The following CATSPERE variants were observed in gnomAD, a reference collection of about 807,000 sequenced individuals.
The protein encoded by CATSPERE is catsper channel auxiliary subunit epsilon.
Under a neutral mutation model 114.1 loss-of-function variants are expected in CATSPERE, and 93 were observed. That is an observed-to-expected ratio of 0.81 (90% CI 0.69 to 0.97). CATSPERE has a LOEUF of 0.97. Ranked by LOEUF, CATSPERE falls within the 50% of genes least tolerant of loss-of-function variation. The pLI is 0.00. For missense variants in CATSPERE, 1,058 were observed against 1,131.6 expected, an observed-to-expected ratio of 0.93 and a Z score of 0.93; for synonymous variants, 341 against 384.1, an observed-to-expected ratio of 0.89 and a Z score of 1.31.
At chr1:244,490,539 C>A in intron 6 of CATSPERE, 68 bp downstream of exon 6, 2 of 957,124 alleles carry the variant, frequency 2.1e-6, no homozygotes, top group Non-Finnish European at 3.2e-6. Flanking sequence ...TCTTATCTTC[C>A]ATATTTACCA....
chr1:244,476,169 GT>G (rs1669312170), intron 2 of CATSPERE, among the ~76,000 whole-genome samples: 1 of 152,124 alleles, frequency 6.6e-6, no homozygotes, highest in South Asian at 2.1e-4. Flanking sequence ...GCCGGGTACA[GT>G]GGCTTATGCC....
At chr1:244,518,550 C>T in intron 7 of CATSPERE, 42 bp from the exon 8 acceptor site, 1 of 1,166,338 alleles carries the variant, frequency 8.6e-7, no homozygotes, top group Non-Finnish European at 1.3e-6. Flanking sequence ...AATACTTTAG[C>T]TATGAAAATA....
rs538239692 is a variant in CATSPERE, at chr1:244,493,127, C to T, written c.351+2656C>T. Reference sequence around the variant, plus strand: ...GTTCATATGGAACCAAAAAAGAGCCCGCATCTCCAAGTCAATCCTAAGCCA... The same window carrying T: ...GTTCATATGGAACCAAAAAAGAGCCTGCATCTCCAAGTCAATCCTAAGCCA... On this transcript the variant is annotated intron_variant, in intron 6 of 21. Coordinates refer to ENST00000366534, the MANE Select transcript of CATSPERE (RefSeq NM_001130957.2). Among the ~76,000 whole-genome samples, 137 of 151,902 alleles carry T rather than the reference C, an allele frequency of 9.0e-4. 1 individual carries two copies. The highest frequency in any genetic ancestry group is 3.2e-3 in the African/African-American group (131 of 41,396).
At chr1:244,604,264 C>T (rs1669676434) in intron 17 of CATSPERE, among the ~76,000 whole-genome samples, 1 of 152,250 alleles carries the variant, frequency 6.6e-6, no homozygotes, top group African/African-American at 2.4e-5. Context: ...CCTAGCTAGT[C>T]ATGCCTGTTT....
chr1:244,555,759 A>C (rs1218460661), intron 9 of CATSPERE, among the ~76,000 whole-genome samples: 2 of 152,352 alleles, frequency 1.3e-5, no homozygotes, highest in Admixed American at 1.3e-4. Flanking sequence ...AGCATACAAA[A>C]ATCAGCAGCA....
In CATSPERE at chr1:244,486,507, TGTAG is replaced by T. The variant is rs1466223789; in HGVS notation, c.327-3939_327-3936del. On this transcript the variant is annotated intron_variant, in intron 5 of 21. Coordinates refer to ENST00000366534, the MANE Select transcript of CATSPERE (RefSeq NM_001130957.2). ...GCATGTGGGGTACTCGTGGGCCAGGTGTAGACCCTCGTAGTCACCTGGTGGGTGG... is the reference window on the plus strand; with the variant it reads ...GCATGTGGGGTACTCGTGGGCCAGGTACCCTCGTAGTCACCTGGTGGGTGG... Among the ~76,000 whole-genome samples, 9 of 143,020 alleles carry T rather than the reference TGTAG, an allele frequency of 6.3e-5. 1 individual carries two copies. Among genetic ancestry groups the T allele is most frequent in the Admixed American group, 2.1e-4 (3 of 14,366 alleles). 93.8% of individuals were successfully genotyped at this position (143,020 alleles called of 152,430 possible). A position where few individuals can be genotyped will look rare whatever the true frequency, so the allele number is the denominator to read the frequency against.
At chr1:244,624,625 A>G (rs1331142400) in intron 20 of CATSPERE, among the ~76,000 whole-genome samples, 1 of 151,462 alleles carries the variant, frequency 6.6e-6, no homozygotes. Context: ...ACATGGAGAA[A>G]CCCCTTCTCT....
At chr1:244,510,926 C>G (rs1675650574) in intron 7 of CATSPERE, among the ~76,000 whole-genome samples, 1 of 146,378 alleles carries the variant, frequency 6.8e-6, no homozygotes, top group Non-Finnish European at 1.5e-5. Context: ...TCACTGCAAC[C>G]TCCGCCTCCC....
intron 20 of CATSPERE, among the ~76,000 whole-genome samples, chr1:244,627,730 C>G (rs1673391837): frequency 6.6e-6 from 1 of 152,210 alleles, no homozygotes; most frequent in African/African-American, 2.4e-5. Context: ...TAAAGGGAAA[C>G]TCAATAAAAC....
intron 17 of CATSPERE, among the ~76,000 whole-genome samples, chr1:244,595,551 CAGG>C (rs1668276888): frequency 6.6e-6 from 1 of 152,156 alleles, no homozygotes; most frequent in Non-Finnish European, 1.5e-5. Context: ...CATGAAGTCT[CAGG>C]AGAAGAGGCC....
At chr1:244,599,775 G>A (rs1284151689) in intron 17 of CATSPERE, among the ~76,000 whole-genome samples, 2 of 152,140 alleles carry the variant, frequency 1.3e-5, no homozygotes, top group Non-Finnish European at 2.9e-5. Context: ...CGTTCCTCAA[G>A]TAAGAGTAGT....
chr1:244,598,099 C>G (rs1668686324), intron 17 of CATSPERE, among the ~76,000 whole-genome samples: 1 of 152,172 alleles, frequency 6.6e-6, no homozygotes, highest in African/African-American at 2.4e-5. Context: ...TAGTTACACA[C>G]ATCTAAATTA....
chr1:244,614,419 C>T (rs897768416), intron 19 of CATSPERE, among the ~76,000 whole-genome samples: 5 of 152,206 alleles, frequency 3.3e-5, no homozygotes, highest in Non-Finnish European at 7.3e-5. Context: ...CTATGACAAG[C>T]CTGTTTTCTC....
chr1:244,498,801 G>A (rs957513458), intron 6 of CATSPERE, among the ~76,000 whole-genome samples: 2 of 152,184 alleles, frequency 1.3e-5, no homozygotes, highest in Admixed American at 1.3e-4. Flanking sequence ...GGGAGGCTGA[G>A]GCAGGAGAAT....
At position 244,468,647 on chromosome 1, in the gene CATSPERE, T is replaced by G. The variant is rs150026220; in HGVS notation, c.114+4691T>G. ...TAAGAGAAAGGAAGGGGCCTAGTGT[T>G]GTGGCTTATGCCTGTAATCCCAGCA... On this transcript the variant is annotated intron_variant, in intron 2 of 21. Coordinates refer to ENST00000366534, the MANE Select transcript of CATSPERE (RefSeq NM_001130957.2). Among the ~76,000 whole-genome samples the G allele has an allele frequency of 9.9e-5, 15 of 152,198 alleles. No homozygotes were observed. In the Middle Eastern group the frequency reaches 0.014, roughly 138 times the overall value.
chr1:244,516,080 A>G (rs1463564068), intron 7 of CATSPERE, among the ~76,000 whole-genome samples: 2 of 151,592 alleles, frequency 1.3e-5, no homozygotes, highest in Admixed American at 6.6e-5. Flanking sequence ...TGTCACAGCT[A>G]TTCGGGAGGC....
chr1:244,451,803 C>A (rs773483912), upstream of CATSPERE: 1 of 1,590,948 alleles, frequency 6.3e-7, no homozygotes, highest in East Asian at 2.3e-5. The surrounding 1 kb of genome is among the most constrained non-coding windows in gnomAD (Gnocchi z 6.6). Flanking sequence ...CCGGGTAGGT[C>A]TCGGCGAACG....
chr1:244,542,076 G>A (rs1658882151), intron 8 of CATSPERE, among the ~76,000 whole-genome samples: 1 of 150,138 alleles, frequency 6.7e-6, no homozygotes, highest in African/African-American at 2.4e-5. Context: ...GTTAATGGGT[G>A]CAGCGCACCA....
chr1:244,479,607 C>T, intron 4 of CATSPERE, 110 bp from the exon 5 acceptor site: 1 of 508,218 alleles, frequency 2.0e-6, no homozygotes, highest in Non-Finnish European at 3.6e-6. Context: ...ATTCTGCTTC[C>T]TCTGATCGTG....
Sources: allele counts gnomAD v4.1 joint callset (sites outside exome capture counted in the v4.1 genomes callset), GRCh38; gene constraint gnomAD v4.1.1; non-coding constraint Gnocchi (gnomAD v3.1); transcripts MANE v1.5; gene names NCBI Gene and HGNC (gene_info 2026-07-23, HGNC 2026-07-21).